The following NELL1 variants were observed in gnomAD, a reference collection of about 807,000 sequenced individuals.
NELL1 encodes the protein neural EGFL like 1.
NELL1 carries 76 observed loss-of-function variants against 107.4 expected under a neutral mutation model. The ratio of observed to expected loss-of-function variants is 0.71; its 90% CI spans 0.59 to 0.86. The LOEUF (loss-of-function observed/expected upper bound fraction) is 0.86, where lower values mean the gene tolerates loss of function less well. Ranked by LOEUF, NELL1 falls within the 40% of genes least tolerant of loss-of-function variation. The pLI, the probability that NELL1 is intolerant of heterozygous loss-of-function variation, is 0.00. For missense variants in NELL1, 1,024 were observed against 1,005.5 expected, an observed-to-expected ratio of 1.02 and a Z score of -0.25; for synonymous variants, 353 against 341.2, an observed-to-expected ratio of 1.03 and a Z score of -0.38.
At chr11:20,767,253 G>A (rs1038418332) in intron 2 of NELL1, among the ~76,000 whole-genome samples, 3 of 152,148 alleles carry the variant, frequency 2.0e-5, no homozygotes, top group Non-Finnish European at 2.9e-5. Flanking sequence ...TGTGAAGAGC[G>A]AAAGAACAAA....
intron 2 of NELL1, among the ~76,000 whole-genome samples, chr11:20,686,424 T>A (rs1386974701): frequency 6.6e-6 from 1 of 152,148 alleles, no homozygotes; most frequent in Non-Finnish European, 1.5e-5. Flanking sequence ...AGAAAAACTT[T>A]AGACAAATTA....
chr11:21,444,705 C>G (rs1266017825), intron 15 of NELL1, among the ~76,000 whole-genome samples: 2 of 152,058 alleles, frequency 1.3e-5, no homozygotes, highest in African/African-American at 2.4e-5. Flanking sequence ...TTCATCATCT[C>G]AAGCATTTAT....
intron 12 of NELL1, among the ~76,000 whole-genome samples, chr11:21,034,426 C>T (rs563211473): frequency 6.6e-6 from 1 of 152,220 alleles, no homozygotes; most frequent in Non-Finnish European, 1.5e-5. Flanking sequence ...ACTCTCTACC[C>T]AAAAATAACA....
intron 13 of NELL1, among the ~76,000 whole-genome samples, chr11:21,123,972 A>G (rs1367900143): frequency 6.6e-6 from 1 of 152,238 alleles, no homozygotes; most frequent in Non-Finnish European, 1.5e-5. Flanking sequence ...ATAATAAAAA[A>G]TATGTATGAA....
At chr11:21,109,206 C>T (rs1378807739) in intron 12 of NELL1, among the ~76,000 whole-genome samples, 1 of 152,046 alleles carries the variant, frequency 6.6e-6, no homozygotes, top group East Asian at 1.9e-4. Context: ...GTGTCTGATA[C>T]CTAAAAAACA....
chr11:20,985,337 A>G lies in NELL1; in HGVS notation c.1300+24777A>G, dbSNP rs552940629. ...AGTTTATCTGCACAAACCCTAACCC[A>G]CAGTTAGTACTCAATAAAATATAGC... On this transcript the variant is annotated intron_variant, in intron 12 of 19. Transcript: ENST00000357134. Among the ~76,000 whole-genome samples the G allele has an allele frequency of 2.6e-5, 4 of 152,272 alleles. 1 individual carries two copies. Among genetic ancestry groups the G allele is most frequent in the African/African-American group, 7.2e-5 (3 of 41,566 alleles).
intron 12 of NELL1, among the ~76,000 whole-genome samples, chr11:21,027,391 G>A (rs1453268249): frequency 6.7e-6 from 1 of 148,500 alleles, no homozygotes; most frequent in East Asian, 1.9e-4. Flanking sequence ...GATCCTGGAT[G>A]TTTTTTTATT....
At chr11:20,890,976 C>G (rs192694224) in intron 5 of NELL1, among the ~76,000 whole-genome samples, 32 of 152,246 alleles carry the variant, frequency 2.1e-4, no homozygotes. Flanking sequence ...CCTAGCAAGA[C>G]AGGCCAACAT....
rs543115406 is a variant in NELL1 at position 21,551,318 on chromosome 11, T to C, written c.1787-8871T>C. 5.9e-5 allele frequency among the ~76,000 whole-genome samples: 9 copies of C among 152,188 alleles called. No homozygotes were observed. In the East Asian group the frequency reaches 1.4e-3, roughly 23 times the overall value. ...ACAATTTGACTTCCTCTTTTCCTAATTGAATACCCTTTATTTCATTCTCCT... is the reference window on the plus strand; with the variant it reads ...ACAATTTGACTTCCTCTTTTCCTAACTGAATACCCTTTATTTCATTCTCCT... On this transcript the variant is annotated intron_variant, in intron 16 of 19. Transcript: ENST00000357134.
intron 13 of NELL1, among the ~76,000 whole-genome samples, chr11:21,181,615 G>C (rs1856828344): frequency 6.6e-6 from 1 of 151,844 alleles, no homozygotes; most frequent in African/African-American, 2.4e-5. Context: ...CTTGTTTGCT[G>C]TCTCTGAACT....
intron 12 of NELL1, among the ~76,000 whole-genome samples, chr11:21,024,529 C>G (rs569999123): frequency 3.9e-5 from 6 of 152,200 alleles, no homozygotes; most frequent in African/African-American, 1.2e-4. Context: ...GGAGTAATAT[C>G]TATCTTAAAG....
At chr11:21,426,252 C>G (rs1370641762) in intron 15 of NELL1, among the ~76,000 whole-genome samples, 1 of 152,170 alleles carries the variant, frequency 6.6e-6, no homozygotes, top group Admixed American at 6.5e-5. Context: ...ATTCACAGTA[C>G]ATGCTCAGTA....
chr11:20,927,237 T>C, intron 7 of NELL1, 71 bp from the exon 8 acceptor site: 1 of 1,420,292 alleles, frequency 7.0e-7, no homozygotes, highest in East Asian at 2.4e-5. Flanking sequence ...TTTTTTTTCT[T>C]GTTGCTATTA....
chr11:21,174,040 G>A (rs948326770), intron 13 of NELL1, among the ~76,000 whole-genome samples: 2 of 151,738 alleles, frequency 1.3e-5, no homozygotes, highest in African/African-American at 2.4e-5. Context: ...CTGCTTTGCA[G>A]ACAAGGAAAC....
At chr11:20,748,644 T>A (rs1286776648) in intron 2 of NELL1, among the ~76,000 whole-genome samples, 1 of 152,168 alleles carries the variant, frequency 6.6e-6, no homozygotes, top group Non-Finnish European at 1.5e-5. Context: ...CACTTATAAG[T>A]AAGAACTCAT....
intron 14 of NELL1, among the ~76,000 whole-genome samples, chr11:21,271,250 G>A (rs1358056143): frequency 2.0e-5 from 3 of 152,012 alleles, no homozygotes; most frequent in Non-Finnish European, 4.4e-5. Flanking sequence ...CTCCAGTCAG[G>A]CTAAGACAAA....
chr11:21,330,228 A>T (rs375975523), intron 14 of NELL1, among the ~76,000 whole-genome samples: 1 of 152,234 alleles, frequency 6.6e-6, no homozygotes. Flanking sequence ...ACATCATATT[A>T]TGCAATTCCA....
At chr11:20,711,964 G>A (rs1276232201) in intron 2 of NELL1, among the ~76,000 whole-genome samples, 1 of 152,042 alleles carries the variant, frequency 6.6e-6, no homozygotes, top group East Asian at 1.9e-4. Flanking sequence ...TAGATCTTTA[G>A]TTCTTTGAGC....
chr11:20,898,668 A>C (rs950871747), intron 5 of NELL1, among the ~76,000 whole-genome samples: 12 of 149,828 alleles, frequency 8.0e-5, no homozygotes, highest in African/African-American at 3.0e-4. Flanking sequence ...ATGCTATTTC[A>C]CTGTGGTTTT....
Sources: allele counts gnomAD v4.1 joint callset (sites outside exome capture counted in the v4.1 genomes callset), GRCh38; gene constraint gnomAD v4.1.1; transcripts MANE v1.5; gene names NCBI Gene and HGNC (gene_info 2026-07-23, HGNC 2026-07-21).